MAP4K4: variants seen among roughly 807,000 people sequenced by gnomAD.
MAP4K4 encodes the protein mitogen-activated protein kinase kinase kinase kinase 4.
In MAP4K4, 38 loss-of-function variants were observed where a neutral mutation model predicts 189.6. The ratio of observed to expected loss-of-function variants is 0.20; its 90% CI spans 0.15 to 0.26. The LOEUF (loss-of-function observed/expected upper bound fraction) is 0.26, where lower values mean the gene tolerates loss of function less well. Ranked by LOEUF, MAP4K4 falls within the 10% of genes least tolerant of loss-of-function variation. MAP4K4 has a pLI of 1.00. For synonymous variants in MAP4K4, 610 were observed against 624.3 expected, an observed-to-expected ratio of 0.98 and a Z score of 0.34; for missense variants, 1,054 against 1,726.9, an observed-to-expected ratio of 0.61 and a Z score of 6.91.
chr2:101,745,357 C>T (rs1427468492), intron 2 of MAP4K4, among the ~76,000 whole-genome samples: 2 of 129,622 alleles, frequency 1.5e-5, no homozygotes, highest in East Asian at 4.7e-4. Flanking sequence ...TGCTGTCCTC[C>T]CTCCTCCCAA....
intron 2 of MAP4K4, among the ~76,000 whole-genome samples, chr2:101,711,283 A>C (rs2045375889): frequency 6.6e-6 from 1 of 152,192 alleles, no homozygotes; most frequent in African/African-American, 2.4e-5. Flanking sequence ...TTATATAACA[A>C]AATAATTAAA....
intron 3 of MAP4K4, among the ~76,000 whole-genome samples, chr2:101,818,942 C>T (rs931111201): frequency 6.6e-6 from 1 of 151,758 alleles, no homozygotes; most frequent in Admixed American, 6.6e-5. Flanking sequence ...ACTAAAAAGG[C>T]CTCTCTCTCC....
At chr2:101,807,270 C>T (rs2095045105) in intron 3 of MAP4K4, among the ~76,000 whole-genome samples, 1 of 151,946 alleles carries the variant, frequency 6.6e-6, no homozygotes, top group African/African-American at 2.4e-5. Context: ...ATTGCCCAGG[C>T]TAGTCTCAAA....
intron 6 of MAP4K4, among the ~76,000 whole-genome samples, chr2:101,830,995 C>T (rs1442890058): frequency 6.6e-6 from 1 of 152,170 alleles, no homozygotes; most frequent in East Asian, 1.9e-4. Flanking sequence ...GGCCTTTTTG[C>T]ATGGGCTCCT....
exon 33 of MAP4K4, chr2:101,893,259 G>A (rs2098594692): frequency 1.1e-5 from 5 of 456,292 alleles, no homozygotes; most frequent in Non-Finnish European, 2.2e-5. Context: ...TACCTGTAAA[G>A]ACAAGCTGAG....
At chr2:101,892,914 C>T (rs779037456) in exon 33 of MAP4K4, 3 of 456,262 alleles carry the variant, frequency 6.6e-6, no homozygotes, top group East Asian at 6.9e-5. Context: ...TTCCTCTTGT[C>T]GAGTTCTGAG....
At chr2:101,807,613 A>G (rs1192948978) in intron 3 of MAP4K4, among the ~76,000 whole-genome samples, 1 of 152,188 alleles carries the variant, frequency 6.6e-6, no homozygotes, top group Non-Finnish European at 1.5e-5. Flanking sequence ...GTAATTTATA[A>G]AGAGGTTTAA....
chr2:101,753,101 CAAATT>C (rs2070090292), intron 2 of MAP4K4, among the ~76,000 whole-genome samples: 2 of 152,332 alleles, frequency 1.3e-5, no homozygotes, highest in South Asian at 4.1e-4. Context: ...TTTAATCTCT[CAAATT>C]AATGCTATAA....
chr2:101,769,666 C>T (rs1442707070), intron 2 of MAP4K4, among the ~76,000 whole-genome samples: 1 of 151,980 alleles, frequency 6.6e-6, no homozygotes, highest in Non-Finnish European at 1.5e-5. Context: ...TCACTGCAAC[C>T]TCTGCCTCCT....
intron 9 of MAP4K4, among the ~76,000 whole-genome samples, chr2:101,839,610 A>C (rs144712705): frequency 1.3e-4 from 20 of 152,314 alleles, no homozygotes; most frequent in African/African-American, 4.8e-4. Flanking sequence ...TAGTGATAGG[A>C]TGCACCACTT....
chr2:101,841,735 G>A (rs1318628306), intron 10 of MAP4K4, among the ~76,000 whole-genome samples: 1 of 152,088 alleles, frequency 6.6e-6, no homozygotes, highest in African/African-American at 2.4e-5. Flanking sequence ...CCAAAGTGCT[G>A]GGATTACAGG....
intron 30 of MAP4K4, 86 bp downstream of exon 30, chr2:101,887,323 C>T (rs1486512858): frequency 8.3e-6 from 11 of 1,328,560 alleles, no homozygotes; most frequent in Non-Finnish European, 1.1e-5. Flanking sequence ...TGAACTAACA[C>T]AAGCAGGGAT....
chr2:101,725,032 G>T (rs1381412543), intron 2 of MAP4K4, among the ~76,000 whole-genome samples: 1 of 152,204 alleles, frequency 6.6e-6, no homozygotes, highest in Admixed American at 6.5e-5. Context: ...CCTTGGTGTA[G>T]AGTAGGCCAT....
intron 19 of MAP4K4, 107 bp downstream of exon 19, chr2:101,866,686 A>G (rs1577053341): frequency 7.2e-7 from 1 of 1,381,130 alleles, no homozygotes; most frequent in East Asian, 2.3e-5. Flanking sequence ...ACGTCACAAA[A>G]CAATGTTTTA....
intron 3 of MAP4K4, among the ~76,000 whole-genome samples, chr2:101,814,582 C>T (rs1241503031): frequency 6.6e-6 from 1 of 152,168 alleles, no homozygotes; most frequent in Non-Finnish European, 1.5e-5. Flanking sequence ...GTAGTGTACA[C>T]ACATGGAAAC....
chr2:101,715,204 C>T (rs2047765585), intron 2 of MAP4K4, among the ~76,000 whole-genome samples: 1 of 152,132 alleles, frequency 6.6e-6, no homozygotes, highest in South Asian at 2.1e-4. Context: ...TTTGTGCACC[C>T]CTCCCTGGTG....
At chr2:101,798,037 A>G (rs978914260) in intron 3 of MAP4K4, among the ~76,000 whole-genome samples, 11 of 151,250 alleles carry the variant, frequency 7.3e-5, no homozygotes, top group Non-Finnish European at 1.6e-4. Flanking sequence ...CCCCCATCTC[A>G]GCCTCCTGAG....
chr2:101,848,321 C>T (rs1267174802), intron 12 of MAP4K4, among the ~76,000 whole-genome samples: 1 of 152,118 alleles, frequency 6.6e-6, no homozygotes, highest in South Asian at 2.1e-4. Context: ...TTTTTTGACC[C>T]AAGGTTGGTC....
chr2:101,796,139 T>G (rs2148892901), intron 3 of MAP4K4, among the ~76,000 whole-genome samples: 1 of 152,338 alleles, frequency 6.6e-6, no homozygotes, highest in South Asian at 2.1e-4. Flanking sequence ...AATCTAGTCT[T>G]CTGGCCTGTC....
Sources: allele counts gnomAD v4.1 joint callset (sites outside exome capture counted in the v4.1 genomes callset), GRCh38; gene constraint gnomAD v4.1.1; transcripts MANE v1.5; gene names NCBI Gene and HGNC (gene_info 2026-07-23, HGNC 2026-07-21).